The following PRKAR1A variants were observed in gnomAD, a reference collection of about 807,000 sequenced individuals.
PRKAR1A encodes the protein cAMP-dependent protein kinase type I-alpha regulatory subunit.
A neutral mutation model predicts 52.0 loss-of-function variants in PRKAR1A; 3 were observed. The observed-to-expected ratio is 0.06, with a 90% confidence interval of 0.03 to 0.15. PRKAR1A has a LOEUF of 0.15. Ranked by LOEUF, PRKAR1A falls within the 10% of genes least tolerant of loss-of-function variation. The probability of loss-of-function intolerance (pLI) is 1.00; values close to 1 mark genes in which losing one functional copy is unlikely to be tolerated. For synonymous variants in PRKAR1A, 188 were observed against 168.4 expected (o/e 1.12, Z -0.90); for missense variants, 240 against 477.4 (o/e 0.50, Z 4.63).
At chr17:68,546,331 C>CA in intron 11 of PRKAR1A, among the ~76,000 whole-genome samples, 1 of 152,176 alleles carries the variant, frequency 6.6e-6, no homozygotes, top group Admixed American at 6.5e-5. Flanking sequence ...TTGAACCCCT[C>CA]AAAGTCATCC....
chr17:68,430,496 G>C, the PRKAR1A span, among the ~76,000 whole-genome samples: 4 of 152,304 alleles, frequency 2.6e-5, no homozygotes, highest in African/African-American at 9.6e-5. Context: ...AGATGGACTT[G>C]ATATCCAGGT....
the PRKAR1A span, among the ~76,000 whole-genome samples, chr17:68,489,186 GTATATATATATATATATATATATATATA>G: frequency 8.1e-3 from 90 of 11,098 alleles, 6 homozygotes; most frequent in East Asian, 0.087. Flanking sequence ...ATCTTGGAAA[GTATATATATATATATATATATATATATA>G]TATATATATA....
the PRKAR1A span, among the ~76,000 whole-genome samples, chr17:68,496,817 A>AT: frequency 5.3e-5 from 4 of 75,542 alleles, no homozygotes; most frequent in Admixed American, 1.5e-4. Context: ...CTTAGTTTTT[A>AT]CTTTTTTTTT....
rs753628884 is a variant in PRKAR1A, at chr17:68,542,715, T to C, written c.974-8369T>C. The stretch of plus-strand genomic sequence containing the variant: ...CTACCTGGAGAGACAAAGAAAACAC[T>C]CTGCAGGATTTCATTCTTGGTGACC... On this transcript the variant is annotated intron_variant, in intron 11 of 11. Transcript: ENST00000585981. The C allele has an allele frequency of 1.9e-5, 30 of 1,613,682 alleles. No homozygotes were observed. Among genetic ancestry groups the C allele is most frequent in the Non-Finnish European group, 2.5e-5 (30 of 1,179,788 alleles).
chr17:68,547,553 G>A (rs552248731), intron 11 of PRKAR1A, among the ~76,000 whole-genome samples: 62 of 152,306 alleles, frequency 4.1e-4, no homozygotes, highest in African/African-American at 1.4e-3. Flanking sequence ...GCTTCACCTT[G>A]TACTTTTATG....
the PRKAR1A span, among the ~76,000 whole-genome samples, chr17:68,463,383 G>A: frequency 0.23 from 35,391 of 152,118 alleles, 4,659 homozygotes; most frequent in Non-Finnish European, 0.3. Flanking sequence ...TTTGGAAGGA[G>A]TTTGTATATT....
chr17:68,498,317 C>T, the PRKAR1A span, among the ~76,000 whole-genome samples: 1 of 152,312 alleles, frequency 6.6e-6, no homozygotes, highest in African/African-American at 2.4e-5. Flanking sequence ...TTCTCCTTTC[C>T]TCCCCAAAAG....
the PRKAR1A span, among the ~76,000 whole-genome samples, chr17:68,487,029 G>A: frequency 6.6e-5 from 10 of 152,038 alleles, no homozygotes; most frequent in South Asian, 1.9e-3. Context: ...TTCTGCCACC[G>A]CACCCGGCTA....
At chr17:68,535,868 G>A (rs1422316487), downstream of PRKAR1A, 1 of 453,832 alleles carries the variant, frequency 2.2e-6, no homozygotes. Context: ...GTTGGGTTTT[G>A]TGTTACAGTG....
At chr17:68,535,676 TTTTTTTGTA>T (rs979449181), downstream of PRKAR1A, 3 of 447,164 alleles carry the variant, frequency 6.7e-6, no homozygotes, top group Non-Finnish European at 4.4e-6. Context: ...AAAATTTTTT[TTTTTTTGTA>T]TTTTTTTGTA....
chr17:68,430,220 A>C, the PRKAR1A span: 1 of 1,533,984 alleles, frequency 6.5e-7, no homozygotes, highest in Non-Finnish European at 8.8e-7. Flanking sequence ...CGCACCCAGG[A>C]ATCTCCACAC....
chr17:68,524,488 CTA>C (rs1447085514), intron 5 of PRKAR1A, among the ~76,000 whole-genome samples: 1 of 152,126 alleles, frequency 6.6e-6, no homozygotes, highest in Non-Finnish European at 1.5e-5. Context: ...CTTACTTTGC[CTA>C]TATAGACTAA....
the PRKAR1A span, among the ~76,000 whole-genome samples, chr17:68,471,846 G>T: frequency 6.6e-6 from 1 of 152,042 alleles, no homozygotes; most frequent in African/African-American, 2.4e-5. Context: ...TGTTGCCCAG[G>T]CTGGAGTGCA....
chr17:68,530,273 C>A lies in PRKAR1A; in HGVS notation c.974-4C>A. ...AGCCTGTTACCCATCTTTGCTTTCT[C>A]CAGGTGAAATTGCACTACTGATGAA... On this transcript the variant is annotated splice_region_variant and splice_polypyrimidine_tract_variant and intron_variant, in intron 10 of 10. Transcript: ENST00000589228. 1 of 1,614,096 alleles carries A rather than the reference C, an allele frequency of 6.2e-7. No individual in the cohort carries two copies. Among genetic ancestry groups the A allele is most frequent in the Non-Finnish European group, 8.5e-7 (1 of 1,179,952 alleles).
the PRKAR1A span, among the ~76,000 whole-genome samples, chr17:68,498,478 T>C: frequency 1.3e-5 from 2 of 152,160 alleles, no homozygotes; most frequent in African/African-American, 4.8e-5. Flanking sequence ...TAGGTTCTGG[T>C]TGTGGGAGGA....
the PRKAR1A span, among the ~76,000 whole-genome samples, chr17:68,488,320 C>T: frequency 0.22 from 33,853 of 152,056 alleles, 4,571 homozygotes; most frequent in East Asian, 0.53. Flanking sequence ...GGAGCTTGCA[C>T]GCCATTGCAA....
chr17:68,545,669 G>C (rs572802433), intron 11 of PRKAR1A, among the ~76,000 whole-genome samples: 2 of 152,162 alleles, frequency 1.3e-5, no homozygotes, highest in African/African-American at 2.4e-5. Context: ...TGTATCTGTA[G>C]CACGCAATGC....
the PRKAR1A span, among the ~76,000 whole-genome samples, chr17:68,457,870 G>C: frequency 1.3e-5 from 2 of 152,130 alleles, no homozygotes; most frequent in Non-Finnish European, 1.5e-5. Flanking sequence ...TTTCATTGCC[G>C]GAGCCGCCCA....
the PRKAR1A span, among the ~76,000 whole-genome samples, chr17:68,468,488 G>A: frequency 7.8e-3 from 1,182 of 152,242 alleles, 15 homozygotes; most frequent in African/African-American, 0.027. Context: ...GAGCTGAGTC[G>A]GCTGCAGCAG....
Sources: allele counts gnomAD v4.1 joint callset (sites outside exome capture counted in the v4.1 genomes callset), GRCh38; gene constraint gnomAD v4.1.1; transcripts MANE v1.5; gene names NCBI Gene and HGNC (gene_info 2026-07-23, HGNC 2026-07-21).